The following SCLT1 variants were observed in gnomAD, a reference collection of about 807,000 sequenced individuals.
SCLT1 encodes the protein sodium channel-associated protein 1.
In SCLT1, 78 loss-of-function variants were observed where a neutral mutation model predicts 112.8. The observed-to-expected ratio is 0.69, with a 90% CI of 0.58 to 0.83. SCLT1 has a LOEUF of 0.83. SCLT1 is among the 40% of genes least tolerant of loss of function. The pLI is 0.00. For missense variants in SCLT1, 747 were observed against 770.4 expected (o/e 0.97, Z 0.36); for synonymous variants, 257 against 254.7 (o/e 1.01, Z -0.09).
chr4:128,916,421 C>A lies in SCLT1; in HGVS notation c.1829+20234G>T, dbSNP rs116580335. Among the ~76,000 whole-genome samples the A allele has an allele frequency of 3.9e-4, 60 of 152,130 alleles. 1 individual carries two copies. Among genetic ancestry groups the A allele is most frequent in the African/African-American group, 1.3e-3 (55 of 41,498 alleles). On this transcript the variant is annotated intron_variant, in intron 18 of 20. Transcript: ENST00000281142. ...AATGGGAAAATCAAATGTAATGAAA[C>A]CAATAAAGGAGTAGCACTGCCTTTC...
At chr4:129,090,487 A>C (rs1035782055) in intron 1 of SCLT1, among the ~76,000 whole-genome samples, 1 of 152,202 alleles carries the variant, frequency 6.6e-6, no homozygotes, top group African/African-American at 2.4e-5. Flanking sequence ...AAAACCTAAA[A>C]CTATAAAACT....
intron 18 of SCLT1, among the ~76,000 whole-genome samples, chr4:128,936,388 G>A (rs1398667890): frequency 2.0e-5 from 3 of 151,722 alleles, no homozygotes; most frequent in African/African-American, 4.8e-5. Flanking sequence ...CTTTGCAGGC[G>A]AAATAGATTT....
intron 18 of SCLT1, among the ~76,000 whole-genome samples, chr4:128,899,131 C>T (rs1383044040): frequency 6.6e-6 from 1 of 152,088 alleles, no homozygotes; most frequent in African/African-American, 2.4e-5. Flanking sequence ...CTGAAACTAT[C>T]CCAATCAATA....
intron 18 of SCLT1, among the ~76,000 whole-genome samples, chr4:128,932,611 C>T (rs1036771532): frequency 6.6e-6 from 1 of 151,882 alleles, no homozygotes; most frequent in Admixed American, 6.6e-5. Flanking sequence ...GAAAGTCCTA[C>T]CCAGAGAAAT....
Position 129,029,286 on chromosome 4 carries a change from A to G in SCLT1, c.290+9755T>C, listed in dbSNP as rs551663434. Among the ~76,000 whole-genome samples the G allele has an allele frequency of 5.3e-5, 8 of 152,262 alleles. No homozygotes were observed. The South Asian group carries it at 1.7e-3, about 32-fold the overall frequency. On this transcript the variant is annotated intron_variant, in intron 5 of 20. Transcript: ENST00000281142. Reference sequence around the variant, plus strand: ...AGACTTGGAACCAACCCAAATGTCCAACAATGATAGACTGGATTAAGAAAA... The same window carrying G: ...AGACTTGGAACCAACCCAAATGTCCGACAATGATAGACTGGATTAAGAAAA...
At chr4:128,983,026 T>C (rs1336138565) in intron 9 of SCLT1, among the ~76,000 whole-genome samples, 1 of 152,086 alleles carries the variant, frequency 6.6e-6, no homozygotes, top group African/African-American at 2.4e-5. Flanking sequence ...GTAGCTGGGA[T>C]TATAGGCATA....
At chr4:128,961,167 A>C (rs973942042) in intron 11 of SCLT1, among the ~76,000 whole-genome samples, 9 of 151,964 alleles carry the variant, frequency 5.9e-5, no homozygotes, top group Admixed American at 2.0e-4. Context: ...TTGTCAGTGT[A>C]ATCTCTTAGA....
chr4:128,953,499 G>A (rs955673162), intron 13 of SCLT1, among the ~76,000 whole-genome samples: 9 of 152,084 alleles, frequency 5.9e-5, no homozygotes, highest in Non-Finnish European at 1.0e-4. Flanking sequence ...CAATATTTTT[G>A]AGAACTGCTG....
intron 20 of SCLT1, 88 bp downstream of exon 20, chr4:128,888,591 T>C: frequency 1.5e-6 from 1 of 686,224 alleles, no homozygotes; most frequent in Admixed American, 2.7e-5. Context: ...GTTAATCTAG[T>C]AAAAATAAAC....
chr4:128,890,986 G>A (rs1733265686), intron 19 of SCLT1, 73 bp downstream of exon 19: 2 of 1,006,770 alleles, frequency 2.0e-6, no homozygotes, highest in Non-Finnish European at 3.1e-6. Context: ...TTTGGATTTG[G>A]CTCAGGTAAA....
chr4:128,945,702 G>A (rs1738094103), intron 16 of SCLT1, among the ~76,000 whole-genome samples: 1 of 151,924 alleles, frequency 6.6e-6, no homozygotes, highest in African/African-American at 2.4e-5. Flanking sequence ...TAGTATAAAA[G>A]AATATAAGCA....
intron 18 of SCLT1, among the ~76,000 whole-genome samples, chr4:128,932,568 C>T (rs1399586826): frequency 2.6e-5 from 4 of 151,944 alleles, no homozygotes; most frequent in African/African-American, 9.7e-5. Flanking sequence ...GACAAGGATG[C>T]CCATTTTTGC....
At chr4:129,005,716 C>T (rs372164686) in intron 5 of SCLT1, among the ~76,000 whole-genome samples, 96 of 151,618 alleles carry the variant, frequency 6.3e-4, no homozygotes, top group Middle Eastern at 3.4e-3. Flanking sequence ...CACATGCACA[C>T]GTATGTTTAT....
At chr4:129,060,413 C>T (rs1428385865) in intron 2 of SCLT1, among the ~76,000 whole-genome samples, 5 of 152,020 alleles carry the variant, frequency 3.3e-5, no homozygotes, top group Admixed American at 3.3e-4. Context: ...TTTCTTGTGT[C>T]CCTGCATTGA....
At chr4:129,003,705 T>A (rs1358858708) in intron 6 of SCLT1, 36 bp downstream of exon 6, 1 of 1,504,960 alleles carries the variant, frequency 6.6e-7, no homozygotes, top group Non-Finnish European at 9.0e-7. Flanking sequence ...GGTATGTTAA[T>A]TCAGAATATA....
chr4:128,913,168 G>A (rs1259815924), intron 18 of SCLT1, among the ~76,000 whole-genome samples: 1 of 152,124 alleles, frequency 6.6e-6, no homozygotes, highest in African/African-American at 2.4e-5. Context: ...CTGTTGTTGT[G>A]GAAAATTGTT....
intron 5 of SCLT1, among the ~76,000 whole-genome samples, chr4:129,027,771 G>GA (rs1243649319): frequency 6.6e-6 from 1 of 152,148 alleles, no homozygotes; most frequent in African/African-American, 2.4e-5. Context: ...TGTATATCTA[G>GA]AAAACCCCAT....
chr4:128,920,829 A>G (rs1735826203), intron 18 of SCLT1, among the ~76,000 whole-genome samples: 1 of 152,178 alleles, frequency 6.6e-6, no homozygotes, highest in African/African-American at 2.4e-5. Context: ...AGGCAAAAGA[A>G]AGAAGTAAAA....
intron 18 of SCLT1, among the ~76,000 whole-genome samples, chr4:128,910,397 T>C (rs1735000974): frequency 6.6e-6 from 1 of 152,220 alleles, no homozygotes; most frequent in South Asian, 2.1e-4. Flanking sequence ...ATCGATACTT[T>C]TGTGAGCTTT....
Sources: gnomAD v4.1 joint callset for allele counts (sites outside exome capture counted in the v4.1 genomes callset) on GRCh38, gnomAD v4.1.1 for gene constraint, MANE v1.5 for transcripts, NCBI Gene and HGNC (gene_info 2026-07-23, HGNC 2026-07-21) for gene names.